The following SHH variants were observed in gnomAD, a reference collection of about 807,000 sequenced individuals.
The protein encoded by SHH is sonic hedgehog signaling molecule.
In SHH, 3 loss-of-function variants were observed where a neutral mutation model predicts 16.6. That is an observed-to-expected ratio of 0.18 (90% CI 0.08 to 0.47). The LOEUF (loss-of-function observed/expected upper bound fraction) is 0.47. Ranked by LOEUF, SHH falls within the 20% of genes least tolerant of loss-of-function variation. SHH has a pLI of 0.98. For missense variants in SHH, 499 were observed against 665.0 expected (o/e 0.75, Z 2.75); for synonymous variants, 351 against 316.2 (o/e 1.11, Z -1.17).
Position 155,803,088 on chromosome 7 carries a change from T to TGTCCCCGCCGCG in SHH, c.1189_1200dup (p.Arg397_Asp400dup), listed in dbSNP as rs1379532101. 3.7e-6 allele frequency: 5 copies of TGTCCCCGCCGCG among 1,351,784 alleles called. No individual in the cohort carries two copies. In the East Asian group the frequency reaches 1.5e-4, roughly 42 times the overall value. The allele number at this position is 1,351,784 out of a possible 1,614,324, so 83.7% of individuals were successfully genotyped here. A position where few individuals can be genotyped will look rare whatever the true frequency, so the allele number is the denominator to read the frequency against. On this transcript the variant is annotated inframe_insertion, in exon 3 of 3. Coordinates refer to ENST00000297261, the MANE Select transcript of SHH (RefSeq NM_000193.4). Reference sequence around the variant, plus strand: ...CCGCCCCCGCGGTCCCCGCCGCCGCTGTCCCCGCCGCGGTCCGTGCGCGCG... The same window carrying TGTCCCCGCCGCG: ...CCGCCCCCGCGGTCCCCGCCGCCGCTGTCCCCGCCGCGGTCCCCGCCGCGGTCCGTGCGCGCG...
chr7:155,802,877 G>GC lies in SHH; in HGVS notation c.*22dup. 2 of 296,676 alleles carry GC rather than the reference G, an allele frequency of 6.7e-6. No homozygotes were observed. The highest frequency in any genetic ancestry group is 1.7e-4 in the South Asian group (2 of 11,718). 18.4% of individuals were successfully genotyped at this position (296,676 alleles called of 1,614,324 possible). ...GCTGCCCCGCCCCGCCCCCTCCCGC[G>GC]CCCCTCCCCCGGCCCCCCGGCTTCA... On this transcript the variant is annotated 3_prime_UTR_variant, in exon 3 of 3. Coordinates refer to ENST00000297261, the MANE Select transcript of SHH (RefSeq NM_000193.4).
At chr7:155,806,668 G>T in intron 1 of SHH, 111 bp from the exon 2 acceptor site, 1 of 1,371,140 alleles carries the variant, frequency 7.3e-7, no homozygotes, top group Non-Finnish European at 1.0e-6. Context: ...CGAGGGCCAT[G>T]CGGAGAGGTG....
Position 155,800,765 on chromosome 7 carries a change from C to A in SHH, c.*2135G>T. On this transcript the variant is annotated 3_prime_UTR_variant, in exon 3 of 3. Transcript: ENST00000297261. ...CTGCGCCATCCACCTGGTCACACAC[C>A]CTCCACGGAAGGCCACTCAAGGGCA... The A allele has an allele frequency of 2.5e-6, 1 of 401,192 alleles. No individual in the cohort carries two copies. The highest frequency in any genetic ancestry group is 1.8e-5 in the South Asian group (1 of 55,274). 24.9% of individuals were successfully genotyped at this position (401,192 alleles called of 1,614,324 possible).
At chr7:155,805,411 A>C (rs187338435) in intron 2 of SHH, among the ~76,000 whole-genome samples, 56 of 152,344 alleles carry the variant, frequency 3.7e-4, no homozygotes, top group African/African-American at 1.3e-3. Flanking sequence ...TCCTACTAAC[A>C]TAGTGCCATT....
Position 155,803,328 on chromosome 7 carries a change from G to A in SHH, c.961C>T (p.Arg321Cys). The A allele has an allele frequency of 1.4e-6, 2 of 1,474,268 alleles. No individual in the cohort carries two copies. Among genetic ancestry groups the A allele is most frequent in the Non-Finnish European group, 1.8e-6 (2 of 1,120,624 alleles). The allele number at this position is 1,474,268 out of a possible 1,614,324, so 91.3% of individuals were successfully genotyped here. A position where few individuals can be genotyped will look rare whatever the true frequency, so the allele number is the denominator to read the frequency against. Residue 321 changes from arginine to cysteine, a missense_variant, in exon 3 of 3, where the codon CGT (arginine) becomes TGT (cysteine). Arg to Cys is a radical substitution (Grantham distance 180). Transcript: ENST00000297261. Reference sequence around the variant, plus strand: ...GGCAGGAGCCGGCGGTCCCCGTCACGCTCGGCCACCACGTACACGCGCTGG... The same window carrying A: ...GGCAGGAGCCGGCGGTCCCCGTCACACTCGGCCACCACGTACACGCGCTGG... Reference protein sequence around the residue: ...PGQRVYVVAERDGDRRLLPAA... With the variant: ...PGQRVYVVAECDGDRRLLPAA...
Position 155,812,197 on chromosome 7 carries a change from C to T in SHH, c.-75G>A. 13 of 1,393,312 alleles carry T rather than the reference C, an allele frequency of 9.3e-6. No homozygotes were observed. The highest frequency in any genetic ancestry group is 1.3e-5 in the Non-Finnish European group (13 of 981,200). The allele number at this position is 1,393,312 out of a possible 1,614,324, so 86.3% of individuals were successfully genotyped here. ...CGCGAGTGCGCGCGGCGGGTGTGTG[C>T]GTGTGCGCTCTCTCTTGCGCTTTCC... On this transcript the variant is annotated 5_prime_UTR_variant, in exon 1 of 3. Coordinates refer to ENST00000297261, the MANE Select transcript of SHH (RefSeq NM_000193.4).
intron 2 of SHH, among the ~76,000 whole-genome samples, chr7:155,805,741 G>C (rs986434036): frequency 2.0e-5 from 3 of 152,228 alleles, no homozygotes; most frequent in Admixed American, 1.3e-4. Context: ...GGCTCCGGGC[G>C]CGCCGCCTCC....
At position 155,800,842 on chromosome 7, in the gene SHH, C is replaced by A; in HGVS notation, c.*2058G>T. 2.9e-6 allele frequency: 1 copy of A among 346,498 alleles called. No homozygotes were observed. The highest frequency in any genetic ancestry group is 2.2e-5 in the South Asian group (1 of 45,516). 21.5% of individuals were successfully genotyped at this position (346,498 alleles called of 1,614,324 possible). ...GACTGGGCCCAACCTCGGGAGCCAG[C>A]CCCTGCCAGGTGGGGCTGAAGTCTG... On this transcript the variant is annotated 3_prime_UTR_variant, in exon 3 of 3. Transcript: ENST00000297261.
chr7:155,807,703 C>T lies in SHH; in HGVS notation c.301-1146G>A, dbSNP rs981594869. Among the ~76,000 whole-genome samples, 2 of 152,298 alleles carry T rather than the reference C, an allele frequency of 1.3e-5. No homozygotes were observed. Among genetic ancestry groups the T allele is most frequent in the Middle Eastern group, 6.8e-3 (2 of 294 alleles). ...CTGACTTGCTTCCTGGATGTTTACC[C>T]TGCTGCTGCTGGTGGGACATGGGAT... On this transcript the variant is annotated intron_variant, in intron 1 of 2. Transcript: ENST00000297261. The surrounding 1 kb of genome is among the most constrained non-coding windows in gnomAD (Gnocchi z 7.1).
chr7:155,806,494 G>A lies in SHH; in HGVS notation c.364C>T (p.Leu122=). The A allele has an allele frequency of 1.9e-6, 3 of 1,613,444 alleles. No individual in the cohort carries two copies. Among genetic ancestry groups the A allele is most frequent in the Admixed American group, 3.3e-5 (2 of 60,022 alleles). ...TCGTCCCAGCCCTCGGTCACCCGCA[G>A]TTTCACTCCTGGCCACTGGTTCATC... ...SVMNQWPGVK[L]RVTEGWDEDG... The change falls in exon 2 of 3, where the codon CTG becomes TTG. Residue 122 remains leucine (L), a synonymous_variant. Coordinates refer to ENST00000297261, the MANE Select transcript of SHH (RefSeq NM_000193.4).
chr7:155,811,359 G>A (rs1030065824), intron 1 of SHH, among the ~76,000 whole-genome samples: 5 of 152,198 alleles, frequency 3.3e-5, no homozygotes, highest in South Asian at 2.1e-4. Context: ...AAACGTGGGG[G>A]CTCTGAGCTC....
Position 155,812,165 on chromosome 7 carries a change from G to T in SHH, c.-43C>A. On this transcript the variant is annotated 5_prime_UTR_variant, in exon 1 of 3. Coordinates refer to ENST00000297261, the MANE Select transcript of SHH (RefSeq NM_000193.4). ...TGACTTCCGAGCTGTCCCCGTGCGG[G>T]TCCGTGCGCGAGTGCGCGCGGCGGG... The T allele has an allele frequency of 6.2e-7, 1 of 1,604,442 alleles. No individual in the cohort carries two copies. The highest frequency in any genetic ancestry group is 8.5e-7 in the Non-Finnish European group (1 of 1,172,058).
At chr7:155,811,386 G>C in intron 1 of SHH, among the ~76,000 whole-genome samples, 1 of 152,188 alleles carries the variant, frequency 6.6e-6, no homozygotes, top group East Asian at 1.9e-4. Flanking sequence ...CCAAGGCTAC[G>C]TTCGTTCGTT....
intron 1 of SHH, among the ~76,000 whole-genome samples, chr7:155,811,610 CA>C (rs931286780): frequency 3.9e-5 from 6 of 152,118 alleles, no homozygotes; most frequent in African/African-American, 1.4e-4. Context: ...TCCTCACCCC[CA>C]CCACACCCTA....
Position 155,809,572 on chromosome 7 carries a change from A to G in SHH, c.300+2251T>C, listed in dbSNP as rs1410565557. Among the ~76,000 whole-genome samples the G allele has an allele frequency of 6.6e-6, 1 of 152,034 alleles. No homozygotes were observed. Among genetic ancestry groups the G allele is most frequent in the African/African-American group, 2.4e-5 (1 of 41,414 alleles). ...GCCAGCCCCTACCCCCCTCGGTTTT[A>G]GGGGACCTTTGTGGGGTCTGCCTGA... On this transcript the variant is annotated intron_variant, in intron 1 of 2. Transcript: ENST00000297261. This position sits in a 1 kb window ranked among gnomAD's most constrained non-coding sequence, Gnocchi z 6.1.
At chr7:155,810,539 G>T (rs996049762) in intron 1 of SHH, among the ~76,000 whole-genome samples, 9 of 152,236 alleles carry the variant, frequency 5.9e-5, no homozygotes, top group African/African-American at 2.2e-4. Context: ...GTCCACACTC[G>T]CGGTCCAGAT....
At chr7:155,811,368 T>G (rs1439140354) in intron 1 of SHH, among the ~76,000 whole-genome samples, 1 of 152,146 alleles carries the variant, frequency 6.6e-6, no homozygotes, top group Non-Finnish European at 1.5e-5. Flanking sequence ...GGCTCTGAGC[T>G]CCAATGCCCA....
rs763853851 is a variant in SHH at position 155,806,306 on chromosome 7, C to G, written c.552G>C (p.Ser184=). The G allele has an allele frequency of 1.2e-5, 20 of 1,613,130 alleles. No homozygotes were observed. The highest frequency in any genetic ancestry group is 2.7e-5 in the African/African-American group (2 of 74,952). Residue 184 remains serine (S), a synonymous_variant, in exon 2 of 3, where the codon TCG becomes TCC. Transcript: ENST00000297261. ...CCAGGGCCAGCTTACCTGCTTTCAC[C>G]GAGCAGTGGATATGTGCCTTGGACT... The part of the protein sequence containing the change: ...YYESKAHIHC[S]VKAENSVAAK...
intron 2 of SHH, 95 bp from the exon 3 acceptor site, chr7:155,803,821 C>T (rs1803272124): frequency 8.9e-7 from 1 of 1,122,668 alleles, no homozygotes; most frequent in Admixed American, 1.9e-5. Flanking sequence ...TTGGTGCCCG[C>T]GCTCCTAGGC....
Sources: gnomAD v4.1 joint callset for allele counts (sites outside exome capture counted in the v4.1 genomes callset) on GRCh38, gnomAD v4.1.1 for gene constraint, Gnocchi (gnomAD v3.1) non-coding constraint, MANE v1.5 for transcripts, NCBI Gene and HGNC (gene_info 2026-07-23, HGNC 2026-07-21) for gene names.